The following APAF1 variants were observed in gnomAD, a reference collection of about 807,000 sequenced individuals.
APAF1 encodes apoptotic peptidase activating factor 1.
In APAF1, 91 loss-of-function variants were observed where a neutral mutation model predicts 152.4. The observed-to-expected ratio is 0.60, with a 90% CI of 0.50 to 0.71. The LOEUF (loss-of-function observed/expected upper bound fraction) is 0.71. Among genes scored for constraint, APAF1 ranks in the 30% least tolerant of loss-of-function variants. The pLI is 0.00. For synonymous variants in APAF1, 484 were observed against 494.1 expected, an observed-to-expected ratio of 0.98 and a Z score of 0.27; for missense variants, 1,283 against 1,472.0, an observed-to-expected ratio of 0.87 and a Z score of 2.10.
At chr12:98,687,846 C>G (rs748814087) in intron 16 of APAF1, among the ~76,000 whole-genome samples, 1 of 152,116 alleles carries the variant, frequency 6.6e-6, no homozygotes, top group African/African-American at 2.4e-5. Flanking sequence ...CAGTCTCACT[C>G]TGTCGCCCAG....
intron 19 of APAF1, among the ~76,000 whole-genome samples, chr12:98,707,711 T>TATATATATATATATATATATATAC (rs200051674): frequency 2.0e-5 from 3 of 149,992 alleles, no homozygotes; most frequent in South Asian, 4.2e-4. Context: ...TATATATATA[T>TATATATATATATATATATATATAC]ACATATAAAT....
In APAF1 at chr12:98,671,722, A is replaced by T. The variant is rs1159615690; in HGVS notation, c.1793+3A>T. 1 of 1,613,988 alleles carries T rather than the reference A, an allele frequency of 6.2e-7. No homozygotes were observed. Among genetic ancestry groups the T allele is most frequent in the Admixed American group, 1.7e-5 (1 of 60,006 alleles). On this transcript the variant is annotated splice_donor_region_variant and intron_variant, in intron 12 of 26. Transcript: ENST00000551964. Reference sequence around the variant, plus strand: ...GGAATGCTTTACCTGGAATGGATGTAAGTAGGTTAGGAGAGAAACCAAAGG... The same window carrying T: ...GGAATGCTTTACCTGGAATGGATGTTAGTAGGTTAGGAGAGAAACCAAAGG...
At chr12:98,680,566 A>G (rs2097691200) in intron 14 of APAF1, among the ~76,000 whole-genome samples, 164 bp downstream of exon 14, 2 of 152,082 alleles carry the variant, frequency 1.3e-5, no homozygotes, top group Non-Finnish European at 2.9e-5. Context: ...ACTTTTTTTT[A>G]AAGAGACAGG....
chr12:98,648,423 A>G lies in APAF1; in HGVS notation c.64A>G (p.Thr22Ala), dbSNP rs2097644775. 1 of 1,614,064 alleles carries G rather than the reference A, an allele frequency of 6.2e-7. No homozygotes were observed. Among genetic ancestry groups the G allele is most frequent in the East Asian group, 2.2e-5 (1 of 44,862 alleles). The change falls in exon 2 of 27, where the codon ACA becomes GCA. Residue 22 changes from threonine to alanine, a missense_variant. Coordinates refer to ENST00000551964, the MANE Select transcript of APAF1 (RefSeq NM_181861.2). ...HREALEKDIK[T>A]SYIMDHMISD... ...AGAAGCTCTGGAAAAGGACATCAAGACATCCTACATCATGGATCACATGAT... is the reference window on the plus strand; with the variant it reads ...AGAAGCTCTGGAAAAGGACATCAAGGCATCCTACATCATGGATCACATGAT...
intron 3 of APAF1, 186 bp from the exon 4 acceptor site, chr12:98,649,301 G>A (rs1274655741): frequency 1.2e-6 from 1 of 859,036 alleles, no homozygotes; most frequent in African/African-American, 1.8e-5. Flanking sequence ...AAGGATATAT[G>A]TTTGTCTTTG....
chr12:98,700,943 C>T lies in APAF1; in HGVS notation c.2466+1374C>T, dbSNP rs114579712. ...AGCATGTATCAGAACTGTATTTCTT[C>T]TTATGGCTGAATAATATTCCATTGT... is the stretch of plus-strand genomic sequence containing the variant. On this transcript the variant is annotated intron_variant, in intron 17 of 26. Transcript: ENST00000551964. Among the ~76,000 whole-genome samples the T allele has an allele frequency of 9.9e-3, 1,499 of 151,730 alleles. 25 individuals carry two copies. Among genetic ancestry groups the T allele is most frequent in the African/African-American group, 0.034 (1,414 of 41,426 alleles).
intron 14 of APAF1, 145 bp from the exon 15 acceptor site, chr12:98,682,998 A>C: frequency 2.9e-6 from 2 of 682,138 alleles, no homozygotes; most frequent in South Asian, 3.4e-5. Flanking sequence ...GAAAGGGGAG[A>C]GGTTTCATTA....
At chr12:98,700,783 T>G (rs890170143) in intron 17 of APAF1, among the ~76,000 whole-genome samples, 1 of 152,190 alleles carries the variant, frequency 6.6e-6, no homozygotes, top group Admixed American at 6.5e-5. Context: ...TTCCCCTCTC[T>G]TGCTAGACCT....
At chr12:98,687,356 C>T (rs1257662787) in intron 16 of APAF1, among the ~76,000 whole-genome samples, 2 of 139,968 alleles carry the variant, frequency 1.4e-5, no homozygotes, top group Non-Finnish European at 3.1e-5. Flanking sequence ...AGTGAGACTC[C>T]GTCTCAAAAA....
chr12:98,681,461 C>G (rs1340534490), intron 14 of APAF1, among the ~76,000 whole-genome samples: 1 of 152,108 alleles, frequency 6.6e-6, no homozygotes, highest in South Asian at 2.1e-4. Flanking sequence ...AAACTGAAGG[C>G]TTGTGGGGGT....
At chr12:98,664,427 A>AT (rs1004660147) in intron 7 of APAF1, among the ~76,000 whole-genome samples, 47 of 152,332 alleles carry the variant, frequency 3.1e-4, no homozygotes, top group African/African-American at 1.1e-3. Context: ...TAAAAAAAAA[A>AT]TAGAAATTAT....
At chr12:98,681,923 A>G (rs528418571) in intron 14 of APAF1, among the ~76,000 whole-genome samples, 14 of 152,348 alleles carry the variant, frequency 9.2e-5, no homozygotes, top group African/African-American at 3.1e-4. Flanking sequence ...GCCAAAGGAC[A>G]TTAGTACCTC....
At chr12:98,692,430 A>C (rs117101956) in intron 16 of APAF1, among the ~76,000 whole-genome samples, 2,967 of 152,250 alleles carry the variant, frequency 0.019, 38 homozygotes, top group Non-Finnish European at 0.031. Flanking sequence ...ATTTAGATTC[A>C]GGGGTACATG....
intron 22 of APAF1, among the ~76,000 whole-genome samples, chr12:98,718,177 T>C (rs2097737186): frequency 6.6e-6 from 1 of 152,188 alleles, no homozygotes; most frequent in Non-Finnish European, 1.5e-5. Context: ...TCTACTTTCT[T>C]CCTTTTTTTC....
intron 26 of APAF1, among the ~76,000 whole-genome samples, chr12:98,731,347 T>A (rs745533546): frequency 6.6e-6 from 1 of 152,200 alleles, no homozygotes; most frequent in African/African-American, 2.4e-5. Flanking sequence ...GTAATTAGGG[T>A]TTGTTCTTGG....
chr12:98,681,320 C>T (rs983202459), intron 14 of APAF1, among the ~76,000 whole-genome samples: 2 of 152,086 alleles, frequency 1.3e-5, no homozygotes, highest in African/African-American at 4.8e-5. Flanking sequence ...CCTTTGACTC[C>T]CAAAGTGCTG....
chr12:98,697,045 C>T (rs779750826), intron 16 of APAF1, among the ~76,000 whole-genome samples: 4 of 152,230 alleles, frequency 2.6e-5, no homozygotes, highest in Non-Finnish European at 5.9e-5. Context: ...ATACCTGATA[C>T]TACAACCAGA....
chr12:98,734,940 G>A lies in APAF1; in HGVS notation c.*2374G>A, dbSNP rs574265054. 2.2e-5 allele frequency: 8 copies of A among 362,172 alleles called. No homozygotes were observed. In the Middle Eastern group the frequency reaches 2.2e-3, roughly 99 times the overall value. The allele number at this position is 362,172 out of a possible 1,614,324, so 22.4% of individuals were successfully genotyped here. A position where few individuals can be genotyped will look rare whatever the true frequency, so the allele number is the denominator to read the frequency against. ...CATCAGGTTTTAAAAAGCCTTGAAT[G>A]GCCCTTGTCTTAAAAAGAAATTAGG... On this transcript the variant is annotated 3_prime_UTR_variant, in exon 27 of 27. Coordinates refer to ENST00000551964, the MANE Select transcript of APAF1 (RefSeq NM_181861.2).
At chr12:98,731,669 TACTC>T (rs2097761800) in intron 26 of APAF1, among the ~76,000 whole-genome samples, 1 of 152,254 alleles carries the variant, frequency 6.6e-6, no homozygotes, top group African/African-American at 2.4e-5. Context: ...GTGTTCATAA[TACTC>T]AGGATCATGG....
Sources: gnomAD v4.1 joint callset for allele counts (sites outside exome capture counted in the v4.1 genomes callset) on GRCh38, gnomAD v4.1.1 for gene constraint, MANE v1.5 for transcripts, NCBI Gene and HGNC (gene_info 2026-07-23, HGNC 2026-07-21) for gene names.